IPCEF1: variants seen among roughly 807,000 people sequenced by gnomAD.
IPCEF1 encodes interaction protein for cytohesin exchange factors 1, also known as interactor protein for cytohesin exchange factors 1.
A neutral mutation model predicts 50.9 loss-of-function variants in IPCEF1; 31 were observed. The ratio of observed to expected loss-of-function variants is 0.61; its 90% CI spans 0.46 to 0.82. The LOEUF (loss-of-function observed/expected upper bound fraction) is 0.82, where lower values mean the gene tolerates loss of function less well. Ranked by LOEUF, IPCEF1 falls within the 40% of genes least tolerant of loss-of-function variation. The pLI, the probability that IPCEF1 is intolerant of heterozygous loss-of-function variation, is 0.00. For synonymous variants in IPCEF1, 181 were observed against 192.0 expected (o/e 0.94, Z 0.47); for missense variants, 458 against 514.0 (o/e 0.89, Z 1.05).
At chr6:154,198,607 T>C (rs1175152545) in intron 10 of IPCEF1, among the ~76,000 whole-genome samples, 1 of 147,594 alleles carries the variant, frequency 6.8e-6, no homozygotes, top group Non-Finnish European at 1.5e-5. Context: ...AGTAATGAAA[T>C]TTACATACTT....
At chr6:154,200,361 C>T (rs1026146438) in intron 9 of IPCEF1, among the ~76,000 whole-genome samples, 1 of 152,180 alleles carries the variant, frequency 6.6e-6, no homozygotes, top group Non-Finnish European at 1.5e-5. Context: ...CTGCATTACA[C>T]TTTGAGCAAA....
At chr6:154,207,650 A>G (rs1210099471) in intron 9 of IPCEF1, among the ~76,000 whole-genome samples, 1 of 151,842 alleles carries the variant, frequency 6.6e-6, no homozygotes, top group Admixed American at 6.6e-5. Context: ...CCATCCACCC[A>G]CCTTGGCCTG....
intron 3 of IPCEF1, among the ~76,000 whole-genome samples, chr6:154,258,291 G>T (rs971617840): frequency 5.9e-5 from 9 of 152,116 alleles, no homozygotes; most frequent in Admixed American, 1.3e-4. Context: ...GTTCACAGAT[G>T]AGGAACTTCA....
intron 1 of IPCEF1, among the ~76,000 whole-genome samples, chr6:154,325,824 A>T (rs1357587124): frequency 6.6e-6 from 1 of 152,216 alleles, no homozygotes; most frequent in Non-Finnish European, 1.5e-5. Flanking sequence ...CACATTCTTT[A>T]GAACAGACAC....
intron 4 of IPCEF1, 187 bp downstream of exon 4, chr6:154,247,262 T>G (rs1781130230): frequency 3.5e-6 from 2 of 568,804 alleles, no homozygotes; most frequent in South Asian, 4.7e-5. Context: ...GAGGGATTAA[T>G]CCAAATGAAC....
rs146787502 is a variant in IPCEF1 at position 154,301,783 on chromosome 6, A to G, written c.-61-12027T>C. On this transcript the variant is annotated intron_variant, in intron 1 of 11. Transcript: ENST00000367220. ...TAAAAAGTAAGAATCACTAATCCAC[A>G]TTTTAAGATTAAGTATCTCAAAGGA... 2.0e-5 allele frequency among the ~76,000 whole-genome samples: 3 copies of G among 152,338 alleles called. No homozygotes were observed. The East Asian group carries it at 5.8e-4, about 29-fold the overall frequency.
At chr6:154,263,946 C>T (rs1350809698) in intron 3 of IPCEF1, among the ~76,000 whole-genome samples, 2 of 135,178 alleles carry the variant, frequency 1.5e-5, no homozygotes, top group African/African-American at 5.3e-5. Context: ...CCAGTAGGGG[C>T]GGCCGGGCAG....
In IPCEF1 at chr6:154,170,620, G is replaced by A. The variant is rs989314527; in HGVS notation, c.911-2507C>T. On this transcript the variant is annotated intron_variant, in intron 10 of 11. Transcript: ENST00000367220. ...GAAAATACTCAAAACTACATCTGAA[G>A]ACAATTAGACTTTTGGCTCACACCG... 5.3e-5 allele frequency among the ~76,000 whole-genome samples: 8 copies of A among 152,174 alleles called. 1 individual carries two copies. Among genetic ancestry groups the A allele is most frequent in the Non-Finnish European group, 1.2e-4 (8 of 68,030 alleles).
chr6:154,354,632 A>T (rs1225498768), intron 1 of IPCEF1, among the ~76,000 whole-genome samples: 1 of 142,722 alleles, frequency 7.0e-6, no homozygotes, highest in Admixed American at 7.0e-5. Context: ...ACCACTTCCA[A>T]CACCACCCCC....
Position 154,210,100 on chromosome 6 carries a change from T to C in IPCEF1, c.537+2670A>G, listed in dbSNP as rs80250257. Among the ~76,000 whole-genome samples, 1,047 of 152,306 alleles carry C rather than the reference T, an allele frequency of 6.9e-3. 11 individuals are homozygous for C. Among genetic ancestry groups the C allele is most frequent in the Middle Eastern group, 0.024 (7 of 294 alleles). On this transcript the variant is annotated intron_variant, in intron 9 of 11. Coordinates refer to ENST00000367220, the MANE Select transcript of IPCEF1 (RefSeq NM_001130700.2). ...GTCATTATATAATGCAATTGAGCCA[T>C]GACCCCTTGTCTAAGAAGGCAATTT...
In IPCEF1 at chr6:154,154,622, G is replaced by C. The variant is rs1300430322; in HGVS notation, c.*5206C>G. The C allele has an allele frequency of 1.3e-5, 2 of 152,144 alleles. No homozygotes were observed. Among genetic ancestry groups the C allele is most frequent in the South Asian group, 4.1e-4 (2 of 4,832 alleles). The allele number at this position is 152,144 out of a possible 1,614,324, so 9.4% of individuals were successfully genotyped here. A position where few individuals can be genotyped will look rare whatever the true frequency, so the allele number is the denominator to read the frequency against. ...AAAACGCAGCCATTAAACACTTCCAGCCACATGTTTATTTCTTTGAGAAAG... is the reference window on the plus strand; with the variant it reads ...AAAACGCAGCCATTAAACACTTCCACCCACATGTTTATTTCTTTGAGAAAG... On this transcript the variant is annotated 3_prime_UTR_variant, in exon 12 of 12. Coordinates refer to ENST00000367220, the MANE Select transcript of IPCEF1 (RefSeq NM_001130700.2).
intron 1 of IPCEF1, among the ~76,000 whole-genome samples, chr6:154,314,033 C>T (rs1783152591): frequency 6.6e-6 from 1 of 152,138 alleles, no homozygotes; most frequent in South Asian, 2.1e-4. Flanking sequence ...CAGGTGTGAG[C>T]CACCATGCCC....
chr6:154,246,466 A>G, intron 5 of IPCEF1, 125 bp downstream of exon 5: 1 of 1,140,014 alleles, frequency 8.8e-7, no homozygotes, highest in Non-Finnish European at 1.2e-6. Context: ...TCTATAACTT[A>G]TTTGTTTATT....
At position 154,247,554 on chromosome 6, in the gene IPCEF1, A is replaced by G. The variant is rs976975398; in HGVS notation, c.37-66T>C. 4.9e-5 allele frequency: 69 copies of G among 1,414,148 alleles called. No homozygotes were observed. The Admixed American group carries it at 1.1e-3, about 24-fold the overall frequency. The allele number at this position is 1,414,148 out of a possible 1,614,324, so 87.6% of individuals were successfully genotyped here. A position where few individuals can be genotyped will look rare whatever the true frequency, so the allele number is the denominator to read the frequency against. ...TGTGTTGTAACATTTGTAAAGAGAG[A>G]AGGAGGGAGGAGGTGGCAGTGTTTA... On this transcript the variant is annotated intron_variant, in intron 3 of 11. Coordinates refer to ENST00000367220, the MANE Select transcript of IPCEF1 (RefSeq NM_001130700.2).
intron 5 of IPCEF1, among the ~76,000 whole-genome samples, chr6:154,237,590 T>C (rs1057477676): frequency 6.6e-6 from 1 of 152,196 alleles, no homozygotes; most frequent in Non-Finnish European, 1.5e-5. Flanking sequence ...TAGCTTTGAA[T>C]AATATAGAGA....
intron 11 of IPCEF1, among the ~76,000 whole-genome samples, chr6:154,167,543 G>A (rs532637463): frequency 2.3e-4 from 35 of 152,246 alleles, no homozygotes; most frequent in African/African-American, 7.7e-4. Flanking sequence ...TTATTTATAC[G>A]ACTGTTTATT....
chr6:154,191,142 A>T (rs1801845738), intron 10 of IPCEF1, among the ~76,000 whole-genome samples: 1 of 152,216 alleles, frequency 6.6e-6, no homozygotes, highest in Non-Finnish European at 1.5e-5. Context: ...CCAATCTGAA[A>T]AGGGTACATA....
chr6:154,235,502 G>T (rs1780047152), intron 5 of IPCEF1, among the ~76,000 whole-genome samples: 1 of 134,934 alleles, frequency 7.4e-6, no homozygotes. Context: ...TTGCACTCCA[G>T]CCTGGGCGAC....
chr6:154,300,156 A>T (rs1024322216), intron 1 of IPCEF1, among the ~76,000 whole-genome samples: 1 of 141,998 alleles, frequency 7.0e-6, no homozygotes, highest in African/African-American at 2.5e-5. Context: ...GCTGAAATGC[A>T]GGCAGACCTC....
Sources: gnomAD v4.1 joint callset for allele counts (sites outside exome capture counted in the v4.1 genomes callset) on GRCh38, gnomAD v4.1.1 for gene constraint, MANE v1.5 for transcripts, NCBI Gene and HGNC (gene_info 2026-07-23, HGNC 2026-07-21) for gene names.